PRKAR1B: variants seen among roughly 807,000 people sequenced by gnomAD.
PRKAR1B encodes the protein cAMP-dependent protein kinase type I-beta regulatory subunit.
A neutral mutation model predicts 46.5 loss-of-function variants in PRKAR1B; 22 were observed. The observed-to-expected ratio is 0.47, with a 90% CI of 0.34 to 0.68. The LOEUF is 0.68. Ranked by LOEUF, PRKAR1B falls within the 30% of genes least tolerant of loss-of-function variation. PRKAR1B has a pLI of 0.01. For synonymous variants in PRKAR1B, 259 were observed against 217.7 expected, an observed-to-expected ratio of 1.19 and a Z score of -1.67; for missense variants, 445 against 535.6, an observed-to-expected ratio of 0.83 and a Z score of 1.67.
At chr7:585,274 C>A (rs551510452) in intron 7 of PRKAR1B, among the ~76,000 whole-genome samples, 2 of 152,166 alleles carry the variant, frequency 1.3e-5, no homozygotes, top group African/African-American at 4.8e-5. Context: ...TCTAGGCAGT[C>A]AGCTCCAGCC....
At chr7:677,397 C>T (rs1778394707) in intron 3 of PRKAR1B, 77 bp from the exon 4 acceptor site, 3 of 1,186,942 alleles carry the variant, frequency 2.5e-6, no homozygotes, top group Non-Finnish European at 3.8e-6. Context: ...CTCCCTACTC[C>T]ACCCTCAGCC....
chr7:711,278 C>T (rs888660794), intron 2 of PRKAR1B, 51 bp downstream of exon 2: 1 of 1,601,824 alleles, frequency 6.2e-7, no homozygotes, highest in East Asian at 2.2e-5. Flanking sequence ...GCTGCCGCCT[C>T]TGCCCCAGGA....
intron 9 of PRKAR1B, among the ~76,000 whole-genome samples, chr7:576,454 C>G (rs1159042006): frequency 2.6e-5 from 4 of 152,212 alleles, no homozygotes; most frequent in African/African-American, 9.6e-5. Context: ...CAAGGACCCC[C>G]TTCGTGAATG....
At position 641,073 on chromosome 7, in the gene PRKAR1B, C is replaced by T. The variant is rs550216480; in HGVS notation, c.441-33621G>A. Among the ~76,000 whole-genome samples, 308 of 152,220 alleles carry T rather than the reference C, an allele frequency of 2.0e-3. 1 individual carries two copies. The highest frequency in any genetic ancestry group is 7.1e-3 in the African/African-American group (297 of 41,558). On this transcript the variant is annotated intron_variant, in intron 4 of 10. Transcript: ENST00000537384. ...GTTCACGCCATTCTCCTGCCTCTGC[C>T]TTCCGAGTAGCTGGGACTACAGGTG... is the stretch of plus-strand genomic sequence containing the variant.
intron 2 of PRKAR1B, among the ~76,000 whole-genome samples, chr7:690,879 T>G (rs893802635): frequency 2.6e-5 from 4 of 152,154 alleles, no homozygotes; most frequent in African/African-American, 9.7e-5. Flanking sequence ...CTCCACTGCA[T>G]CCTCCTCAGC....
chr7:710,844 A>G (rs1336036392), intron 2 of PRKAR1B, among the ~76,000 whole-genome samples: 2 of 151,946 alleles, frequency 1.3e-5, no homozygotes, highest in Non-Finnish European at 2.9e-5. Context: ...GGGTTTCGCC[A>G]TGTTGGCCAG....
rs189542388 is a variant in PRKAR1B at position 725,074 on chromosome 7, C to T, written c.-23+2136G>A. ...CTAAAAATACAAAAAATTAGCTGGGCGTGGTCGTGGGCACCTGCAGTCCCA... is the reference window on the plus strand; with the variant it reads ...CTAAAAATACAAAAAATTAGCTGGGTGTGGTCGTGGGCACCTGCAGTCCCA... On this transcript the variant is annotated intron_variant, in intron 1 of 10. Coordinates refer to ENST00000537384, the MANE Select transcript of PRKAR1B (RefSeq NM_001164760.2). Among the ~76,000 whole-genome samples, 241 of 152,114 alleles carry T rather than the reference C, an allele frequency of 1.6e-3. 1 individual carries two copies. The highest frequency in any genetic ancestry group is 5.4e-3 in the African/African-American group (225 of 41,502).
At chr7:556,152 T>C (rs1225148129) in intron 9 of PRKAR1B, among the ~76,000 whole-genome samples, 2 of 152,132 alleles carry the variant, frequency 1.3e-5, no homozygotes, top group Non-Finnish European at 2.9e-5. Context: ...CTGAAGCCTT[T>C]GTGAGAACCA....
rs1435341591 is a variant in PRKAR1B at position 560,323 on chromosome 7, G to A, written c.892-8853C>T. On this transcript the variant is annotated intron_variant, in intron 9 of 10. Transcript: ENST00000537384. The surrounding 1 kb of genome is among the most constrained non-coding windows in gnomAD (Gnocchi z 4.2). Reference sequence around the variant, plus strand: ...TTCTTTATAAATTACCCAGTCTCGGGCATTTCTTCATAGCAGTGTTAGAAT... The same window carrying A: ...TTCTTTATAAATTACCCAGTCTCGGACATTTCTTCATAGCAGTGTTAGAAT... Among the ~76,000 whole-genome samples, 1 of 150,798 alleles carries A rather than the reference G, an allele frequency of 6.6e-6. No individual in the cohort carries two copies. The highest frequency in any genetic ancestry group is 2.4e-5 in the African/African-American group (1 of 40,946).
chr7:662,366 ACGGGTC>A (rs1785641524), intron 4 of PRKAR1B, among the ~76,000 whole-genome samples: 1 of 116,732 alleles, frequency 8.6e-6, no homozygotes. Context: ...CCCCACCCCA[ACGGGTC>A]CAAATACCTA....
rs967582899 is a variant in PRKAR1B at position 561,115 on chromosome 7, CCACA to C, written c.892-9649_892-9646del. Among the ~76,000 whole-genome samples the C allele has an allele frequency of 4.0e-5, 6 of 151,508 alleles. No homozygotes were observed. The South Asian group carries it at 6.2e-4, about 16-fold the overall frequency. On this transcript the variant is annotated intron_variant, in intron 9 of 10. Transcript: ENST00000537384. ...GTACGTGCATACATGCACACACACCCCACACACAGGCACACAAACACACACACAC... is the reference window on the plus strand; with the variant it reads ...GTACGTGCATACATGCACACACACCCCACAGGCACACAAACACACACACAC...
Position 572,829 on chromosome 7 carries a change from C to T in PRKAR1B, c.891+6427G>A, listed in dbSNP as rs568134423. On this transcript the variant is annotated intron_variant, in intron 9 of 10. Coordinates refer to ENST00000537384, the MANE Select transcript of PRKAR1B (RefSeq NM_001164760.2). ...CATGCACAGGGCATCTGCGACCCAC[C>T]AAGGCCGTGATTTACAAAACAATGT... is the stretch of plus-strand genomic sequence containing the variant. Among the ~76,000 whole-genome samples the T allele has an allele frequency of 1.2e-4, 19 of 152,340 alleles. No individual in the cohort carries two copies. In the East Asian group the frequency reaches 3.7e-3, roughly 29 times the overall value.
chr7:717,205 C>G (rs548505292), intron 1 of PRKAR1B, among the ~76,000 whole-genome samples: 4 of 151,984 alleles, frequency 2.6e-5, no homozygotes, highest in African/African-American at 9.6e-5. Flanking sequence ...AGGAAGATCA[C>G]TTGAACCCAA....
At chr7:553,657 C>T (rs1784387673) in intron 9 of PRKAR1B, among the ~76,000 whole-genome samples, 1 of 152,236 alleles carries the variant, frequency 6.6e-6, no homozygotes. Flanking sequence ...TCGGTTCACC[C>T]TGGCTCACCC....
intron 9 of PRKAR1B, among the ~76,000 whole-genome samples, chr7:577,918 T>C (rs1779951999): frequency 6.6e-6 from 1 of 152,242 alleles, no homozygotes; most frequent in Non-Finnish European, 1.5e-5. Flanking sequence ...AGGGCGCTTT[T>C]GCAGTCCCAT....
intron 6 of PRKAR1B, among the ~76,000 whole-genome samples, chr7:601,147 CT>C (rs990763640): frequency 1.3e-5 from 2 of 152,228 alleles, no homozygotes; most frequent in African/African-American, 4.8e-5. Flanking sequence ...GCCTCCGGCA[CT>C]TGGCCAGCGC....
intron 1 of PRKAR1B, among the ~76,000 whole-genome samples, chr7:724,412 G>A (rs908476268): frequency 6.6e-6 from 1 of 152,130 alleles, no homozygotes. Context: ...TTATAAGGGG[G>A]AGTTTCCCTG....
At chr7:559,022 C>G (rs1406355686) in intron 9 of PRKAR1B, among the ~76,000 whole-genome samples, 1 of 152,188 alleles carries the variant, frequency 6.6e-6, no homozygotes, top group Non-Finnish European at 1.5e-5. Flanking sequence ...GGACACAGAC[C>G]ATTTGCCTTC....
chr7:690,640 C>T (rs894083103), intron 2 of PRKAR1B, among the ~76,000 whole-genome samples: 1 of 152,184 alleles, frequency 6.6e-6, no homozygotes, highest in African/African-American at 2.4e-5. Flanking sequence ...CTGTGTGCCA[C>T]TGTGCAGACA....
Sources: allele counts gnomAD v4.1 joint callset (sites outside exome capture counted in the v4.1 genomes callset), GRCh38; gene constraint gnomAD v4.1.1; non-coding constraint Gnocchi (gnomAD v3.1); transcripts MANE v1.5; gene names NCBI Gene and HGNC (gene_info 2026-07-23, HGNC 2026-07-21).